The following SEC62 variants were observed in gnomAD, a reference collection of about 807,000 sequenced individuals.
SEC62 encodes translocation protein SEC62.
Under a neutral mutation model 47.5 loss-of-function variants are expected in SEC62, and 10 were observed. The ratio of observed to expected loss-of-function variants is 0.21; its 90% CI spans 0.13 to 0.36. SEC62 has a LOEUF of 0.36. SEC62 is among the 10% of genes least tolerant of loss of function. The pLI is 1.00. For missense variants in SEC62, 327 were observed against 464.1 expected (o/e 0.70, Z 2.71); for synonymous variants, 136 against 150.5 (o/e 0.90, Z 0.71).
At chr3:169,973,387 C>T (rs1337716793) in intron 1 of SEC62, among the ~76,000 whole-genome samples, 2 of 152,012 alleles carry the variant, frequency 1.3e-5, no homozygotes, top group Admixed American at 6.6e-5. Context: ...TTTTGCTGGG[C>T]GTGGTGGCTT....
intron 3 of SEC62, among the ~76,000 whole-genome samples, chr3:169,977,277 G>C (rs1387770000): frequency 6.6e-6 from 1 of 152,002 alleles, no homozygotes; most frequent in Admixed American, 6.6e-5. Context: ...ATATTTGTGA[G>C]CCCTACTGAA....
chr3:169,968,606 T>G (rs1576853976), intron 1 of SEC62: 1 of 152,112 alleles, frequency 6.6e-6, no homozygotes. Context: ...GTCAACTTAT[T>G]TATTAAAAGT....
chr3:169,980,456 T>A (rs544570081), intron 3 of SEC62, among the ~76,000 whole-genome samples: 1 of 152,326 alleles, frequency 6.6e-6, no homozygotes, highest in East Asian at 1.9e-4. Context: ...CAGTCTCATC[T>A]TTCAACCTAA....
chr3:169,975,921 G>A (rs891754108), intron 2 of SEC62, among the ~76,000 whole-genome samples: 1 of 152,134 alleles, frequency 6.6e-6, no homozygotes, highest in Non-Finnish European at 1.5e-5. Context: ...ACAATTGTTG[G>A]AAATTTTTTT....
In SEC62 at chr3:169,982,914, G is replaced by GA; in HGVS notation, c.456+4dup. On this transcript the variant is annotated splice_donor_region_variant and intron_variant, in intron 4 of 7. Coordinates refer to ENST00000337002, the MANE Select transcript of SEC62 (RefSeq NM_003262.4). ...GTGAAAAGGAAGAATCCAAAAAGGT[G>GA]AGTTAATCTAAAATTAAGTAAAAAT... is the stretch of plus-strand genomic sequence containing the variant. 1 of 1,563,240 alleles carries GA rather than the reference G, an allele frequency of 6.4e-7. No individual in the cohort carries two copies. Among genetic ancestry groups the GA allele is most frequent in the Non-Finnish European group, 8.6e-7 (1 of 1,165,906 alleles).
intron 7 of SEC62, among the ~76,000 whole-genome samples, chr3:169,991,607 G>A (rs1715250375): frequency 6.6e-6 from 1 of 152,174 alleles, no homozygotes; most frequent in Non-Finnish European, 1.5e-5. Flanking sequence ...GGAGGCTGAG[G>A]TGGGAGGATT....
intron 7 of SEC62, among the ~76,000 whole-genome samples, chr3:169,989,657 G>A (rs1369028002): frequency 2.6e-5 from 4 of 151,874 alleles, no homozygotes; most frequent in African/African-American, 9.7e-5. Context: ...TATTCTACTT[G>A]CTTATTTTTA....
chr3:169,983,502 T>C (rs927539579), intron 5 of SEC62: 1 of 262,824 alleles, frequency 3.8e-6, no homozygotes, highest in Non-Finnish European at 7.3e-6. Flanking sequence ...ATTTCTTTTT[T>C]ATCAGTGAAA....
chr3:169,969,325 CA>C (rs2108278531), intron 1 of SEC62: 1 of 456,594 alleles, frequency 2.2e-6, no homozygotes, highest in South Asian at 1.5e-5. Flanking sequence ...AAGTTTCTAG[CA>C]AGAGGACTGT....
Position 169,975,731 on chromosome 3 carries a change from G to A in SEC62, c.145+15G>A. The A allele has an allele frequency of 6.6e-7, 1 of 1,512,034 alleles. No homozygotes were observed. Among genetic ancestry groups the A allele is most frequent in the Non-Finnish European group, 9.2e-7 (1 of 1,087,472 alleles). 93.7% of individuals were successfully genotyped at this position (1,512,034 alleles called of 1,614,324 possible). A position where few individuals can be genotyped will look rare whatever the true frequency, so the allele number is the denominator to read the frequency against. On this transcript the variant is annotated intron_variant, in intron 2 of 7. Coordinates refer to ENST00000337002, the MANE Select transcript of SEC62 (RefSeq NM_003262.4). Reference sequence around the variant, plus strand: ...TTATTTTATTGGTAGGATTATATCAGTAAAATCGTATTAGTGTACATATGT... The same window carrying A: ...TTATTTTATTGGTAGGATTATATCAATAAAATCGTATTAGTGTACATATGT...
At position 169,995,549 on chromosome 3, in the gene SEC62, CT is replaced by C. The variant is rs1216316871; in HGVS notation, c.*2487del. 1 of 152,124 alleles carries C rather than the reference CT, an allele frequency of 6.6e-6. No homozygotes were observed. Among genetic ancestry groups the C allele is most frequent in the African/African-American group, 2.4e-5 (1 of 41,418 alleles). The allele number at this position is 152,124 out of a possible 1,614,324, so 9.4% of individuals were successfully genotyped here. ...GGTGATGAATTTTGGTGTTTCCCCC[CT>C]CTTTCTGGTTTTACATCATGAGGAT... is the stretch of plus-strand genomic sequence containing the variant. On this transcript the variant is annotated 3_prime_UTR_variant, in exon 8 of 8. Transcript: ENST00000337002.
chr3:169,993,009 T>C lies in SEC62; in HGVS notation c.1146T>C (p.Asp382=). ...AAACAGATGGGGATTGTGAAGAGGATGAGGAAGAGGAAAATGATGGAGAAA... is the reference window on the plus strand; with the variant it reads ...AAACAGATGGGGATTGTGAAGAGGACGAGGAAGAGGAAAATGATGGAGAAA... ...EQQTDGDCEE[D]EEEENDGETP... is the part of the protein sequence containing the mutation. The change falls in exon 8 of 8, where the codon GAT becomes GAC. Residue 382 remains aspartate (D), a synonymous_variant. Transcript: ENST00000337002. The C allele has an allele frequency of 6.2e-7, 1 of 1,611,906 alleles. No homozygotes were observed. The highest frequency in any genetic ancestry group is 8.5e-7 in the Non-Finnish European group (1 of 1,179,262).
At position 169,984,576 on chromosome 3, in the gene SEC62, G is replaced by A. The variant is rs370454555; in HGVS notation, c.550-1229G>A. On this transcript the variant is annotated intron_variant, in intron 5 of 7. Coordinates refer to ENST00000337002, the MANE Select transcript of SEC62 (RefSeq NM_003262.4). ...CAAACGCATGGGTGCTTGGTATCCTGAGAAGCCTAGATTTTATTCTGTAGA... is the reference window on the plus strand; with the variant it reads ...CAAACGCATGGGTGCTTGGTATCCTAAGAAGCCTAGATTTTATTCTGTAGA... 5.1e-4 allele frequency among the ~76,000 whole-genome samples: 78 copies of A among 152,286 alleles called. 1 individual carries two copies. Among genetic ancestry groups the A allele is most frequent in the African/African-American group, 1.8e-3 (76 of 41,566 alleles).
At chr3:169,980,821 T>C (rs994922714) in intron 3 of SEC62, among the ~76,000 whole-genome samples, 5 of 152,218 alleles carry the variant, frequency 3.3e-5, no homozygotes, top group African/African-American at 1.2e-4. Context: ...ACATGTACTC[T>C]TAATATATGG....
At chr3:169,987,532 A>T (rs2108287096) in intron 6 of SEC62, among the ~76,000 whole-genome samples, 1 of 152,362 alleles carries the variant, frequency 6.6e-6, no homozygotes, top group African/African-American at 2.4e-5. Flanking sequence ...GAATAGGAAG[A>T]GACTTATTAA....
intron 1 of SEC62, among the ~76,000 whole-genome samples, chr3:169,971,034 G>A (rs1576854900): frequency 6.6e-6 from 1 of 150,936 alleles, no homozygotes; most frequent in South Asian, 2.1e-4. Context: ...GCTTGTGCTT[G>A]TAATCCCAAC....
At chr3:169,979,146 G>A (rs2108283170) in intron 3 of SEC62, among the ~76,000 whole-genome samples, 2 of 152,310 alleles carry the variant, frequency 1.3e-5, no homozygotes, top group Middle Eastern at 3.4e-3. Context: ...TCTTCCCACT[G>A]ATGTCAGATT....
intron 3 of SEC62, among the ~76,000 whole-genome samples, chr3:169,979,024 A>T (rs1714910216): frequency 1.3e-5 from 2 of 152,328 alleles, no homozygotes; most frequent in African/African-American, 2.4e-5. Context: ...AGCAGCCAGT[A>T]TGAATCCACA....
At chr3:169,972,860 G>T (rs1027487108) in intron 1 of SEC62, among the ~76,000 whole-genome samples, 4 of 152,132 alleles carry the variant, frequency 2.6e-5, no homozygotes, top group Admixed American at 2.0e-4. Context: ...AGCATCCAAA[G>T]ATGATAGGGT....
Sources: gnomAD v4.1 joint callset for allele counts (sites outside exome capture counted in the v4.1 genomes callset) on GRCh38, gnomAD v4.1.1 for gene constraint, MANE v1.5 for transcripts, NCBI Gene and HGNC (gene_info 2026-07-23, HGNC 2026-07-21) for gene names.